Variants in FRMD4A observed in about 807,000 individuals in gnomAD.
The protein encoded by FRMD4A is FERM domain containing 4A, also known as FERM domain-containing protein 4A.
Under a neutral mutation model 129.1 loss-of-function variants are expected in FRMD4A, and 29 were observed. That is an observed-to-expected ratio of 0.22 (90% CI 0.17 to 0.31). The LOEUF is 0.31. Ranked by LOEUF, FRMD4A falls within the 10% of genes least tolerant of loss-of-function variation. The pLI, the probability that FRMD4A is intolerant of heterozygous loss-of-function variation, is 1.00. For synonymous variants in FRMD4A, 634 were observed against 571.6 expected (o/e 1.11, Z -1.56); for missense variants, 1,272 against 1,375.8 (o/e 0.92, Z 1.19).
intron 2 of FRMD4A, among the ~76,000 whole-genome samples, chr10:13,956,421 G>A (rs1030935852): frequency 6.6e-6 from 1 of 152,216 alleles, no homozygotes; most frequent in African/African-American, 2.4e-5. Context: ...CAAAGTGCTG[G>A]GATTACAGGC....
intron 2 of FRMD4A, among the ~76,000 whole-genome samples, chr10:14,284,750 T>C (rs889602638): frequency 1.3e-5 from 2 of 152,262 alleles, no homozygotes; most frequent in African/African-American, 2.4e-5. Context: ...TGTGTGGTAC[T>C]ATATGCATTG....
At chr10:13,752,494 A>G (rs1222654943) in intron 8 of FRMD4A, among the ~76,000 whole-genome samples, 1 of 152,218 alleles carries the variant, frequency 6.6e-6, no homozygotes, top group African/African-American at 2.4e-5. Context: ...AATGAGATGT[A>G]TGTAATTTGT....
chr10:14,121,740 T>C (rs1838533309), intron 2 of FRMD4A, among the ~76,000 whole-genome samples: 1 of 152,198 alleles, frequency 6.6e-6, no homozygotes, highest in Non-Finnish European at 1.5e-5. Flanking sequence ...ATGCTAGCAT[T>C]CCAGGGACTC....
intron 4 of FRMD4A, among the ~76,000 whole-genome samples, chr10:13,804,075 C>T (rs1194787086): frequency 1.3e-5 from 2 of 152,202 alleles, no homozygotes; most frequent in African/African-American, 2.4e-5. Flanking sequence ...ATATAAGGTA[C>T]TGTTGTATGT....
chr10:14,185,573 T>G (rs76024865), intron 2 of FRMD4A, among the ~76,000 whole-genome samples: 1 of 152,012 alleles, frequency 6.6e-6, no homozygotes, highest in Non-Finnish European at 1.5e-5. Context: ...AAAGGTTCAA[T>G]CTCGTCTTGT....
At chr10:14,238,586 T>G (rs1424815403) in intron 2 of FRMD4A, among the ~76,000 whole-genome samples, 1 of 152,188 alleles carries the variant, frequency 6.6e-6, no homozygotes, top group Non-Finnish European at 1.5e-5. Context: ...TACATAGGTA[T>G]ACATGTGCCT....
intron 2 of FRMD4A, among the ~76,000 whole-genome samples, chr10:13,975,182 C>G (rs2095537289): frequency 6.7e-6 from 1 of 149,010 alleles, no homozygotes; most frequent in Admixed American, 6.7e-5. Context: ...CTTTGTGAGT[C>G]TCTGTGTCTG....
At chr10:14,309,894 A>G (rs1846482043) in intron 2 of FRMD4A, among the ~76,000 whole-genome samples, 1 of 152,188 alleles carries the variant, frequency 6.6e-6, no homozygotes, top group Admixed American at 6.5e-5. Context: ...TAAAGGCTGA[A>G]AGAAAATCCC....
chr10:14,130,067 G>T (rs1174108519), intron 2 of FRMD4A, among the ~76,000 whole-genome samples: 1 of 152,156 alleles, frequency 6.6e-6, no homozygotes, highest in Admixed American at 6.5e-5. Flanking sequence ...GGCCTGCTTT[G>T]CTCTCCAGCC....
chr10:14,239,930 A>T (rs1843980797), intron 2 of FRMD4A, among the ~76,000 whole-genome samples: 1 of 152,234 alleles, frequency 6.6e-6, no homozygotes, highest in South Asian at 2.1e-4. Flanking sequence ...GAATTGATGT[A>T]ACACCTTTGG....
intron 8 of FRMD4A, among the ~76,000 whole-genome samples, chr10:13,752,015 CA>C (rs2091650590): frequency 6.6e-6 from 1 of 152,040 alleles, no homozygotes; most frequent in Admixed American, 6.6e-5. Flanking sequence ...GACCCTGTCT[CA>C]AAAACCAAAA....
intron 2 of FRMD4A, among the ~76,000 whole-genome samples, chr10:14,110,933 G>A (rs1468702770): frequency 6.6e-6 from 1 of 152,152 alleles, no homozygotes; most frequent in Non-Finnish European, 1.5e-5. Flanking sequence ...TTGGGCTCAA[G>A]CTATCCTGCC....
At chr10:13,898,688 T>A (rs1461344209) in intron 2 of FRMD4A, among the ~76,000 whole-genome samples, 1 of 152,044 alleles carries the variant, frequency 6.6e-6, no homozygotes, top group Admixed American at 6.6e-5. Context: ...TTTGCTAGGG[T>A]CTCACTATTG....
chr10:13,673,828 T>C (rs981812615), intron 16 of FRMD4A, among the ~76,000 whole-genome samples: 5 of 137,696 alleles, frequency 3.6e-5, no homozygotes, highest in Admixed American at 3.3e-4. Flanking sequence ...CAAGCTGGAG[T>C]GCAATGGCGT....
intron 2 of FRMD4A, among the ~76,000 whole-genome samples, chr10:14,240,128 G>C (rs901313177): frequency 6.6e-6 from 1 of 152,160 alleles, no homozygotes; most frequent in Non-Finnish European, 1.5e-5. Context: ...TACTGATGGA[G>C]TAATGACATC....
intron 2 of FRMD4A, among the ~76,000 whole-genome samples, chr10:14,128,852 A>G (rs1293480219): frequency 6.6e-6 from 1 of 152,014 alleles, no homozygotes; most frequent in Non-Finnish European, 1.5e-5. Flanking sequence ...CATCTGCCCT[A>G]CACTCTCACC....
chr10:14,093,705 A>AATCCATAATAAATCT (rs1836784387), intron 2 of FRMD4A, among the ~76,000 whole-genome samples: 1 of 152,068 alleles, frequency 6.6e-6, no homozygotes, highest in African/African-American at 2.4e-5. Context: ...CTAAGAGCAG[A>AATCCATAATAAATCT]TGGCATTTCA....
chr10:14,185,668 A>C (rs996120675), intron 2 of FRMD4A, among the ~76,000 whole-genome samples: 2 of 152,084 alleles, frequency 1.3e-5, no homozygotes, highest in Admixed American at 1.3e-4. Context: ...AGCTGTGCAG[A>C]TGAGCAGAAG....
At chr10:13,685,505 G>A (rs2084987886) in intron 15 of FRMD4A, 7 of 985,074 alleles carry the variant, frequency 7.1e-6, no homozygotes, top group African/African-American at 1.7e-5. Flanking sequence ...TATCTTCTGG[G>A]TCCAAGCTTG....
Sources: allele counts gnomAD v4.1 joint callset (sites outside exome capture counted in the v4.1 genomes callset), GRCh38; gene constraint gnomAD v4.1.1; transcripts MANE v1.5; gene names NCBI Gene and HGNC (gene_info 2026-07-23, HGNC 2026-07-21).